RIN2: variants seen among roughly 807,000 people sequenced by gnomAD.
The protein encoded by RIN2 is Ras and Rab interactor 2.
Under a neutral mutation model 78.0 loss-of-function variants are expected in RIN2, and 36 were observed. That is an observed-to-expected ratio of 0.46 (90% CI 0.35 to 0.61). The LOEUF (loss-of-function observed/expected upper bound fraction) is 0.61. Ranked by LOEUF, RIN2 falls within the 20% of genes least tolerant of loss-of-function variation. The pLI is 0.00. For missense variants in RIN2, 1,087 were observed against 1,159.7 expected, an observed-to-expected ratio of 0.94 and a Z score of 0.91; for synonymous variants, 466 against 466.8, an observed-to-expected ratio of 1.00 and a Z score of 0.02.
At chr20:19,970,480 A>G (rs1190780810) in intron 7 of RIN2, among the ~76,000 whole-genome samples, 1 of 152,230 alleles carries the variant, frequency 6.6e-6, no homozygotes, top group Non-Finnish European at 1.5e-5. Context: ...ACATTCACAT[A>G]GGCATGCAGT....
At chr20:19,973,938 C>T (rs2042186121) in intron 8 of RIN2, among the ~76,000 whole-genome samples, 1 of 152,212 alleles carries the variant, frequency 6.6e-6, no homozygotes, top group Non-Finnish European at 1.5e-5. Flanking sequence ...GCAATCTGCA[C>T]TACTTCGCAG....
intron 3 of RIN2, among the ~76,000 whole-genome samples, chr20:19,926,649 C>T (rs61685257): frequency 0.062 from 9,383 of 152,024 alleles, 611 homozygotes; most frequent in African/African-American, 0.16. Context: ...GAGCTGATTC[C>T]CGGATTATAA....
chr20:19,990,313 T>G lies in RIN2; in HGVS notation c.2068+2T>G. On this transcript the variant is annotated splice_donor_variant, in intron 10 of 12. Transcript: ENST00000255006. LOFTEE classifies it high-confidence loss of function. ...ACACGGTCATGGAGAACAACTCAGG[T>G]GAGGCCGCTGGAAGCCCAGGCTTCG... The G allele has an allele frequency of 1.2e-6, 2 of 1,602,456 alleles. No individual in the cohort carries two copies. The highest frequency in any genetic ancestry group is 8.5e-7 in the Non-Finnish European group (1 of 1,171,430).
At chr20:19,796,007 G>A (rs982999001) in intron 1 of RIN2, among the ~76,000 whole-genome samples, 2 of 151,764 alleles carry the variant, frequency 1.3e-5, no homozygotes, top group African/African-American at 2.4e-5. Context: ...ATTCCAGCCT[G>A]GGCGACAGAA....
chr20:19,790,140 C>G (rs2122612168), intron 1 of RIN2, among the ~76,000 whole-genome samples: 1 of 152,272 alleles, frequency 6.6e-6, no homozygotes, highest in South Asian at 2.1e-4. Context: ...GAGTTGTTTT[C>G]TGAATATAGA....
At chr20:19,935,250 C>A (rs973549992) in intron 4 of RIN2, 51 bp downstream of exon 4, 1 of 1,482,254 alleles carries the variant, frequency 6.7e-7, no homozygotes, top group Non-Finnish European at 9.2e-7. Flanking sequence ...ATCGAGTGAA[C>A]CCTGGCACTG....
rs759041334 is a variant in RIN2 at position 19,764,113 on chromosome 20, CTT to C, written c.-163+5790_-163+5791del. 1.3e-4 allele frequency among the ~76,000 whole-genome samples: 20 copies of C among 152,116 alleles called. No individual in the cohort carries two copies. The East Asian group carries it at 3.9e-3, about 29-fold the overall frequency. ...TAATCCAATAAATTGGATAAAGAGA[CTT>C]TTTGTTTTTTATGTACCTGATTTTA... On this transcript the variant is annotated intron_variant, in intron 1 of 12. Transcript: ENST00000255006.
At chr20:19,761,782 T>A (rs1412609475) in intron 1 of RIN2, among the ~76,000 whole-genome samples, 1 of 152,200 alleles carries the variant, frequency 6.6e-6, no homozygotes, top group Non-Finnish European at 1.5e-5. Context: ...ATGAATAGGT[T>A]CTTTGGGTTT....
intron 1 of RIN2, among the ~76,000 whole-genome samples, chr20:19,797,859 C>CTT (rs750371451): frequency 0.098 from 12,526 of 127,954 alleles, 769 homozygotes; most frequent in South Asian, 0.16. Context: ...TCTACTTAAT[C>CTT]TTTTTTTTTT....
At chr20:19,968,442 C>A (rs2042006015) in intron 7 of RIN2, among the ~76,000 whole-genome samples, 1 of 151,918 alleles carries the variant, frequency 6.6e-6, no homozygotes, top group Admixed American at 6.6e-5. Flanking sequence ...AGAAGGCGTC[C>A]CTGTGTGAGT....
intron 1 of RIN2, among the ~76,000 whole-genome samples, chr20:19,764,924 T>TTTTTTTTTTTTTG (rs2033814331): frequency 8.7e-6 from 1 of 115,202 alleles, no homozygotes; most frequent in Non-Finnish European, 1.8e-5. Flanking sequence ...CTGCGTTTTT[T>TTTTTTTTTTTTTG]TTTTTTTTTT....
intron 2 of RIN2, among the ~76,000 whole-genome samples, chr20:19,826,203 G>GACCTTAGTA (rs2036085295): frequency 6.6e-6 from 1 of 152,036 alleles, no homozygotes; most frequent in African/African-American, 2.4e-5. Flanking sequence ...CTATTTGCAT[G>GACCTTAGTA]AATACATTTT....
At chr20:19,994,569 C>T (rs529496024) in intron 11 of RIN2, among the ~76,000 whole-genome samples, 19 of 152,312 alleles carry the variant, frequency 1.2e-4, no homozygotes, top group African/African-American at 4.3e-4. Flanking sequence ...TGAGTTTTCT[C>T]CTTAGCGTCC....
At chr20:19,854,450 A>G (rs1046770066) in intron 2 of RIN2, among the ~76,000 whole-genome samples, 1 of 152,198 alleles carries the variant, frequency 6.6e-6, no homozygotes, top group Non-Finnish European at 1.5e-5. Flanking sequence ...GATGGCATTG[A>G]ATCTATAAAT....
intron 2 of RIN2, among the ~76,000 whole-genome samples, chr20:19,874,958 T>C (rs1226185709): frequency 6.6e-6 from 1 of 151,934 alleles, no homozygotes; most frequent in Non-Finnish European, 1.5e-5. Flanking sequence ...CCTCTTGGGT[T>C]CAAGCGATTC....
chr20:19,935,422 A>T, intron 4 of RIN2: 1 of 1,281,500 alleles, frequency 7.8e-7, no homozygotes, highest in Non-Finnish European at 9.9e-7. Context: ...TACTCTCTCA[A>T]TTCCTCCTGG....
chr20:19,776,421 C>G (rs2034312080), intron 1 of RIN2, among the ~76,000 whole-genome samples: 1 of 152,132 alleles, frequency 6.6e-6, no homozygotes, highest in Non-Finnish European at 1.5e-5. Context: ...CTCTTGCAAC[C>G]AATTGCCAAT....
intron 2 of RIN2, among the ~76,000 whole-genome samples, chr20:19,838,500 A>G (rs1026434036): frequency 2.6e-5 from 4 of 152,184 alleles, no homozygotes; most frequent in Admixed American, 1.3e-4. Context: ...CTGTTTGTCC[A>G]TTCATTAATT....
intron 3 of RIN2, among the ~76,000 whole-genome samples, chr20:19,906,713 G>T (rs1370342283): frequency 6.6e-6 from 1 of 152,166 alleles, no homozygotes; most frequent in Non-Finnish European, 1.5e-5. Flanking sequence ...CTGGAAACCT[G>T]AATTTTTTTG....
Sources: allele counts gnomAD v4.1 joint callset (sites outside exome capture counted in the v4.1 genomes callset), GRCh38; gene constraint gnomAD v4.1.1; transcripts MANE v1.5; gene names NCBI Gene and HGNC (gene_info 2026-07-23, HGNC 2026-07-21).